NALF1: variants seen among roughly 807,000 people sequenced by gnomAD.
NALF1 encodes the protein NALCN channel auxiliary factor 1.
In NALF1, 3 loss-of-function variants were observed where a neutral mutation model predicts 48.4. The observed-to-expected ratio is 0.06, with a 90% CI of 0.03 to 0.16. NALF1 has a LOEUF of 0.16. Ranked by LOEUF, NALF1 falls within the 10% of genes least tolerant of loss-of-function variation. The probability of loss-of-function intolerance (pLI) is 1.00; values close to 1 mark genes in which losing one functional copy is unlikely to be tolerated. For missense variants in NALF1, 526 were observed against 571.5 expected, an observed-to-expected ratio of 0.92 and a Z score of 0.81; for synonymous variants, 262 against 245.7, an observed-to-expected ratio of 1.07 and a Z score of -0.62.
intron 1 of NALF1, among the ~76,000 whole-genome samples, chr13:107,652,745 C>T (rs1484920631): frequency 6.6e-6 from 1 of 152,174 alleles, no homozygotes; most frequent in African/African-American, 2.4e-5. Flanking sequence ...TCAACTGCAA[C>T]ATTCCAGGAG....
chr13:107,653,703 T>C (rs1409245688), intron 1 of NALF1, among the ~76,000 whole-genome samples: 1 of 151,962 alleles, frequency 6.6e-6, no homozygotes, highest in East Asian at 1.9e-4. Flanking sequence ...AAAGACCACC[T>C]CAGCTGCCCA....
At chr13:107,212,535 G>A (rs1879783779) in intron 1 of NALF1, among the ~76,000 whole-genome samples, 1 of 151,206 alleles carries the variant, frequency 6.6e-6, no homozygotes, top group Admixed American at 6.6e-5. Flanking sequence ...ACAGGTGAAG[G>A]TGGAGGTGGT....
At chr13:107,596,467 T>C (rs550076246) in intron 1 of NALF1, among the ~76,000 whole-genome samples, 54 of 152,294 alleles carry the variant, frequency 3.5e-4, no homozygotes, top group Non-Finnish European at 5.9e-4. Flanking sequence ...GTGGCATATA[T>C]ACACCATGGA....
intron 2 of NALF1, among the ~76,000 whole-genome samples, chr13:107,179,695 G>A (rs1440174962): frequency 6.7e-6 from 1 of 150,006 alleles, no homozygotes; most frequent in African/African-American, 2.5e-5. Flanking sequence ...AACCACAGCA[G>A]AATATTTTCT....
intron 1 of NALF1, among the ~76,000 whole-genome samples, chr13:107,615,189 A>T (rs1419408274): frequency 1.3e-5 from 2 of 152,214 alleles, no homozygotes; most frequent in Non-Finnish European, 2.9e-5. Flanking sequence ...TTCAACTAAC[A>T]CTTTATACAT....
At chr13:107,330,213 G>A (rs1006757685) in intron 1 of NALF1, among the ~76,000 whole-genome samples, 1 of 152,172 alleles carries the variant, frequency 6.6e-6, no homozygotes, top group Non-Finnish European at 1.5e-5. Context: ...GTGGCTGGCT[G>A]CTCCCAGAAG....
At chr13:107,780,522 A>G (rs979774575) in intron 1 of NALF1, among the ~76,000 whole-genome samples, 1 of 151,234 alleles carries the variant, frequency 6.6e-6, no homozygotes, top group African/African-American at 2.4e-5. Flanking sequence ...TTTTTTTAAG[A>G]CGCAGTCTCA....
intron 1 of NALF1, among the ~76,000 whole-genome samples, chr13:107,643,194 G>C (rs1445390048): frequency 6.6e-6 from 1 of 152,168 alleles, no homozygotes; most frequent in Non-Finnish European, 1.5e-5. Flanking sequence ...TTATGGCCTG[G>C]TGATGATTGT....
chr13:107,685,143 T>C (rs879861005), intron 1 of NALF1, among the ~76,000 whole-genome samples: 2 of 152,060 alleles, frequency 1.3e-5, no homozygotes, highest in Non-Finnish European at 2.9e-5. Context: ...TGAAGCCCCA[T>C]GTGTACTAAA....
intron 1 of NALF1, among the ~76,000 whole-genome samples, chr13:107,473,075 T>C (rs1385192404): frequency 9.2e-5 from 14 of 152,230 alleles, no homozygotes; most frequent in Non-Finnish European, 1.5e-5. Context: ...TCCTCAAGGA[T>C]CAGTTCGAAC....
intron 1 of NALF1, among the ~76,000 whole-genome samples, chr13:107,596,825 A>G (rs1327074431): frequency 2.6e-5 from 4 of 152,180 alleles, no homozygotes; most frequent in African/African-American, 9.7e-5. Context: ...AGTATAATAT[A>G]TGGAAAAAGA....
At chr13:107,803,613 G>A (rs1878686532) in intron 1 of NALF1, among the ~76,000 whole-genome samples, 1 of 152,078 alleles carries the variant, frequency 6.6e-6, no homozygotes, top group East Asian at 1.9e-4. Flanking sequence ...ACCTTCCCCA[G>A]GCAAAGGCTG....
chr13:107,844,051 G>C (rs977698992), intron 1 of NALF1, among the ~76,000 whole-genome samples: 31 of 152,090 alleles, frequency 2.0e-4, no homozygotes, highest in African/African-American at 7.0e-4. Flanking sequence ...TTATGAATCA[G>C]TTAATAATGG....
chr13:107,599,237 G>A (rs1878847552), intron 1 of NALF1, among the ~76,000 whole-genome samples: 2 of 151,914 alleles, frequency 1.3e-5, no homozygotes, highest in Non-Finnish European at 1.5e-5. Flanking sequence ...TGGCTAACAC[G>A]GTGAAACCCC....
At chr13:107,681,906 A>G (rs1881314375) in intron 1 of NALF1, among the ~76,000 whole-genome samples, 1 of 151,882 alleles carries the variant, frequency 6.6e-6, no homozygotes, top group Non-Finnish European at 1.5e-5. Flanking sequence ...CCTCTCCACT[A>G]CCCCTAAACA....
At chr13:107,860,617 T>C (rs1166463175) in intron 1 of NALF1, among the ~76,000 whole-genome samples, 2 of 152,146 alleles carry the variant, frequency 1.3e-5, no homozygotes, top group African/African-American at 4.8e-5. Context: ...CTGAAAAAAA[T>C]ATATTTGCAA....
At chr13:107,635,180 A>G (rs972091393) in intron 1 of NALF1, among the ~76,000 whole-genome samples, 2 of 152,058 alleles carry the variant, frequency 1.3e-5, no homozygotes, top group East Asian at 1.9e-4. Flanking sequence ...GATATTTACT[A>G]TATTAGTTCA....
chr13:107,439,488 T>C (rs1325634698), intron 1 of NALF1, among the ~76,000 whole-genome samples: 2 of 152,190 alleles, frequency 1.3e-5, no homozygotes, highest in African/African-American at 2.4e-5. Flanking sequence ...AAGAATGACA[T>C]TTCCCAGCTA....
chr13:107,373,500 C>T (rs1883282274), intron 1 of NALF1, among the ~76,000 whole-genome samples: 1 of 152,136 alleles, frequency 6.6e-6, no homozygotes, highest in Admixed American at 6.5e-5. Context: ...ATCACTTTGC[C>T]TTGCTCTGTC....
Sources: gnomAD v4.1 joint callset for allele counts (sites outside exome capture counted in the v4.1 genomes callset) on GRCh38, gnomAD v4.1.1 for gene constraint, MANE v1.5 for transcripts, NCBI Gene and HGNC (gene_info 2026-07-23, HGNC 2026-07-21) for gene names.